The following WFDC10B variants were observed in gnomAD, a reference collection of about 807,000 sequenced individuals.
WFDC10B encodes the protein WAP four-disulfide core domain 10B.
WFDC10B carries 1 observed loss-of-function variant against 2.7 expected under a neutral mutation model. The ratio of observed to expected loss-of-function variants is 0.38; its 90% confidence interval spans 0.13 to 1.79. WFDC10B has a LOEUF of 1.79. WFDC10B is among the 40% of genes most tolerant of loss of function. The pLI, the probability that WFDC10B is intolerant of heterozygous loss-of-function variation, is 0.33. For missense variants in WFDC10B, 71 were observed against 87.8 expected (o/e 0.81, Z 0.76); for synonymous variants, 26 against 32.2 (o/e 0.81, Z 0.65).
intron 3 of WFDC10B, 137 bp downstream of exon 3, chr20:45,685,765 C>G: frequency 7.0e-7 from 1 of 1,423,326 alleles, no homozygotes; most frequent in Non-Finnish European, 9.5e-7. Flanking sequence ...TTGGGACAGC[C>G]CAGAGTCTGC....
intron 2 of WFDC10B, among the ~76,000 whole-genome samples, chr20:45,690,048 T>A (rs2145635962): frequency 6.6e-6 from 1 of 152,300 alleles, no homozygotes; most frequent in East Asian, 1.9e-4. Flanking sequence ...GTTTTTAGCA[T>A]GAAGGTTGTT....
intron 2 of WFDC10B, among the ~76,000 whole-genome samples, chr20:45,701,134 T>C (rs1984141446): frequency 6.6e-6 from 1 of 152,186 alleles, no homozygotes; most frequent in South Asian, 2.1e-4. Flanking sequence ...TTGAGTTATT[T>C]TCCCCCAGCA....
chr20:45,692,164 C>T (rs189834507), intron 2 of WFDC10B, among the ~76,000 whole-genome samples: 30 of 152,104 alleles, frequency 2.0e-4, no homozygotes, highest in African/African-American at 7.2e-4. Flanking sequence ...AATATTGGTC[C>T]CCACTCTCTT....
chr20:45,685,978 A>G lies in WFDC10B; in HGVS notation c.15T>C (p.Thr5=), dbSNP rs772141697. The G allele has an allele frequency of 6.2e-7, 1 of 1,614,068 alleles. No individual in the cohort carries two copies. Among genetic ancestry groups the G allele is most frequent in the Admixed American group, 1.7e-5 (1 of 59,978 alleles). Residue 5 remains threonine, a synonymous_variant, in exon 3 of 4, where the codon ACT becomes ACC. Transcript: ENST00000330523. ...CACAGAGAACCAGGACAAGCAGCAG[A>G]GTCTGGGGTGCCATAACTCTGACCA... MAPQ[T]LLLVLVLCVL...
At chr20:45,694,836 C>A (rs6032439) in intron 2 of WFDC10B, among the ~76,000 whole-genome samples, 1 of 152,246 alleles carries the variant, frequency 6.6e-6, no homozygotes, top group African/African-American at 2.4e-5. Flanking sequence ...TTTAGACCCA[C>A]CCACTCTCCT....
chr20:45,688,978 A>G (rs1983719031), intron 2 of WFDC10B, among the ~76,000 whole-genome samples: 1 of 151,654 alleles, frequency 6.6e-6, no homozygotes, highest in Admixed American at 6.6e-5. Context: ...TTTTAGGTAT[A>G]ACGTTTAAGT....
intron 2 of WFDC10B, among the ~76,000 whole-genome samples, chr20:45,698,841 G>T (rs746147733): frequency 2.0e-5 from 3 of 151,692 alleles, no homozygotes; most frequent in Non-Finnish European, 4.4e-5. Context: ...GGTGGCAGGC[G>T]CCTGTAATCC....
At chr20:45,700,245 T>A (rs1984110860) in intron 2 of WFDC10B, among the ~76,000 whole-genome samples, 1 of 152,050 alleles carries the variant, frequency 6.6e-6, no homozygotes, top group Admixed American at 6.6e-5. Flanking sequence ...AAGGTGCAAA[T>A]GGGTATATTC....
intron 2 of WFDC10B, among the ~76,000 whole-genome samples, chr20:45,703,226 C>T (rs1214628572): frequency 1.3e-5 from 2 of 152,132 alleles, no homozygotes; most frequent in Admixed American, 6.5e-5. Flanking sequence ...CTCTGTTGAG[C>T]CCCAAGCTCT....
intron 2 of WFDC10B, among the ~76,000 whole-genome samples, chr20:45,699,329 A>C (rs1984076573): frequency 6.6e-6 from 1 of 152,222 alleles, no homozygotes; most frequent in African/African-American, 2.4e-5. Context: ...TTCATCTACA[A>C]ATGTTCATAG....
chr20:45,685,214 C>T (rs1983568893), intron 3 of WFDC10B, among the ~76,000 whole-genome samples: 1 of 152,174 alleles, frequency 6.6e-6, no homozygotes, highest in Admixed American at 6.5e-5. Flanking sequence ...CATACACCTG[C>T]ATTCAGAACT....
intron 2 of WFDC10B, among the ~76,000 whole-genome samples, chr20:45,694,108 T>G (rs1369135744): frequency 6.6e-6 from 1 of 152,228 alleles, no homozygotes. Context: ...GATAGTCTAT[T>G]TTGCTGTACA....
At position 45,690,169 on chromosome 20, in the gene WFDC10B, C is replaced by T. The variant is rs543551183; in HGVS notation, c.-64-4113G>A. Among the ~76,000 whole-genome samples the T allele has an allele frequency of 2.0e-5, 3 of 151,586 alleles. No individual in the cohort carries two copies. The East Asian group carries it at 5.8e-4, about 30-fold the overall frequency. ...ATTGATTTGCGTATATTGAACCAGCCTTGCATCCCAGGGATGAAGCCCACT... is the reference window on the plus strand; with the variant it reads ...ATTGATTTGCGTATATTGAACCAGCTTTGCATCCCAGGGATGAAGCCCACT... On this transcript the variant is annotated intron_variant, in intron 2 of 3. Transcript: ENST00000330523.
intron 2 of WFDC10B, among the ~76,000 whole-genome samples, chr20:45,699,642 A>C (rs1387601994): frequency 1.3e-5 from 2 of 152,244 alleles, no homozygotes; most frequent in African/African-American, 4.8e-5. Context: ...TATGAAGTAG[A>C]AATCGGCAAT....
At chr20:45,702,647 G>T (rs909753596) in intron 2 of WFDC10B, among the ~76,000 whole-genome samples, 1 of 152,186 alleles carries the variant, frequency 6.6e-6, no homozygotes, top group Non-Finnish European at 1.5e-5. Context: ...CATAACCTTG[G>T]CCTTGGAGGA....
chr20:45,701,596 T>A (rs1046609250), intron 2 of WFDC10B, among the ~76,000 whole-genome samples: 9 of 151,904 alleles, frequency 5.9e-5, no homozygotes, highest in African/African-American at 2.2e-4. Context: ...ACCCCATCTC[T>A]ACTAAAAATA....
At chr20:45,693,592 A>G (rs1193485290) in intron 2 of WFDC10B, among the ~76,000 whole-genome samples, 1 of 152,008 alleles carries the variant, frequency 6.6e-6, no homozygotes, top group African/African-American at 2.4e-5. Context: ...CTGCTGTGCT[A>G]GCAATCAGCG....
intron 2 of WFDC10B, among the ~76,000 whole-genome samples, chr20:45,692,759 C>T (rs1386263175): frequency 6.6e-6 from 1 of 152,094 alleles, no homozygotes; most frequent in African/African-American, 2.4e-5. Context: ...TTTTTAACTT[C>T]TTTGCCTTTG....
At position 45,684,948 on chromosome 20, in the gene WFDC10B, C is replaced by T. The variant is rs1983558988; in HGVS notation, c.104G>A (p.Cys35Tyr). ...DKMRMQRIKV[C>Y]EKRPSIDLCI... The stretch of plus-strand genomic sequence containing the variant: ...TAGATCTATGCTGGGTCGCTTCTCA[C>T]AGACCTTGATTCCTGAAATGATGCA... Residue 35 changes from cysteine (C) to tyrosine (Y), a missense_variant, in exon 4 of 4, where the codon TGT (cysteine) becomes TAT (tyrosine). Physicochemically the swap from Cys to Tyr is radical, Grantham distance 194. Transcript: ENST00000330523. 6.2e-7 allele frequency: 1 copy of T among 1,613,796 alleles called. No individual in the cohort carries two copies. Among genetic ancestry groups the T allele is most frequent in the Non-Finnish European group, 8.5e-7 (1 of 1,179,908 alleles).
Sources: gnomAD v4.1 joint callset for allele counts (sites outside exome capture counted in the v4.1 genomes callset) on GRCh38, gnomAD v4.1.1 for gene constraint, MANE v1.5 for transcripts, NCBI Gene and HGNC (gene_info 2026-07-23, HGNC 2026-07-21) for gene names.